The following CCDC178 variants were observed in gnomAD, a reference collection of about 807,000 sequenced individuals.
CCDC178 encodes the protein coiled-coil domain-containing protein 178.
CCDC178 carries 126 observed loss-of-function variants against 117.4 expected under a neutral mutation model. The ratio of observed to expected loss-of-function variants is 1.07; its 90% CI spans 0.93 to 1.24. The LOEUF (loss-of-function observed/expected upper bound fraction) is 1.24. Ranked by LOEUF, CCDC178 falls within the 50% of genes most tolerant of loss-of-function variation. The pLI is 0.00. For synonymous variants in CCDC178, 283 were observed against 313.4 expected (o/e 0.90, Z 1.02); for missense variants, 1,030 against 986.9 (o/e 1.04, Z -0.59).
intron 22 of CCDC178, chr18:32,957,960 A>T (rs1036720609): frequency 2.8e-5 from 7 of 253,692 alleles, no homozygotes; most frequent in Non-Finnish European, 5.2e-5. Context: ...TGATAAATGA[A>T]GTACCTCTTT....
At chr18:33,291,415 T>A (rs2060164676) in intron 12 of CCDC178, among the ~76,000 whole-genome samples, 1 of 152,082 alleles carries the variant, frequency 6.6e-6, no homozygotes, top group African/African-American at 2.4e-5. Context: ...GAGCAGGTTT[T>A]CACAGAAAAG....
chr18:33,062,245 A>G (rs1302743985), intron 21 of CCDC178, among the ~76,000 whole-genome samples: 4 of 152,226 alleles, frequency 2.6e-5, no homozygotes, highest in African/African-American at 7.2e-5. Flanking sequence ...GAATATATGC[A>G]TTAGCTATGT....
intron 20 of CCDC178, among the ~76,000 whole-genome samples, chr18:33,208,889 T>C (rs1457561902): frequency 6.6e-6 from 1 of 152,072 alleles, no homozygotes; most frequent in East Asian, 1.9e-4. Context: ...TTGTCTCTAC[T>C]AGAACTCAAT....
At position 33,331,026 on chromosome 18, in the gene CCDC178, C is replaced by CTTTTTTT. The variant is rs67153629; in HGVS notation, c.879+2141_879+2147dup. 2.7e-4 allele frequency among the ~76,000 whole-genome samples: 12 copies of CTTTTTTT among 45,048 alleles called. 3 individuals carry two copies. Among genetic ancestry groups the CTTTTTTT allele is most frequent in the African/African-American group, 1.0e-3 (8 of 7,850 alleles). The allele number at this position is 45,048 out of a possible 152,430, so 29.6% of individuals were successfully genotyped here. A position where few individuals can be genotyped will look rare whatever the true frequency, so the allele number is the denominator to read the frequency against. ...CCTGATAAGCTTTACACAAACATTG[C>CTTTTTTT]TTTTTTTTTTTTTTTTTTTTTTTTT... is the stretch of plus-strand genomic sequence containing the variant. On this transcript the variant is annotated intron_variant, in intron 10 of 22. Transcript: ENST00000383096.
chr18:33,064,017 C>T (rs992804087), intron 21 of CCDC178, among the ~76,000 whole-genome samples: 1 of 152,120 alleles, frequency 6.6e-6, no homozygotes, highest in Admixed American at 6.5e-5. Context: ...ACTATAGACA[C>T]AGCTGTAGGA....
At chr18:33,066,232 G>C (rs2057014247) in intron 21 of CCDC178, among the ~76,000 whole-genome samples, 1 of 152,040 alleles carries the variant, frequency 6.6e-6, no homozygotes, top group Non-Finnish European at 1.5e-5. Context: ...TTCACCACTA[G>C]ACCAGTCCTA....
rs1383534496 is a variant in CCDC178, at chr18:33,020,842, T to C, written c.2389-46161A>G. On this transcript the variant is annotated intron_variant, in intron 21 of 22. Coordinates refer to ENST00000383096, the MANE Select transcript of CCDC178 (RefSeq NM_001105528.4). ...TGAATTTTAGGTTGTATTTACTGAC[T>C]ATATTTATGAAGCCCTAGTGTGCAC... Among the ~76,000 whole-genome samples the C allele has an allele frequency of 4.6e-5, 7 of 152,344 alleles. No homozygotes were observed. In the East Asian group the frequency reaches 1.2e-3, roughly 25 times the overall value.
intron 2 of CCDC178, among the ~76,000 whole-genome samples, chr18:33,439,465 TATA>T (rs2144999150): frequency 6.6e-6 from 1 of 152,336 alleles, no homozygotes; most frequent in South Asian, 2.1e-4. Flanking sequence ...AGATATAGTT[TATA>T]ATAAAACTTT....
intron 2 of CCDC178, 45 bp from the exon 3 acceptor site, chr18:33,412,155 T>C: frequency 2.6e-6 from 2 of 757,724 alleles, no homozygotes; most frequent in South Asian, 2.0e-5. Flanking sequence ...TCTAAATTAG[T>C]TTATATTTAA....
intron 21 of CCDC178, among the ~76,000 whole-genome samples, chr18:33,044,117 AAAAT>A (rs1358221562): frequency 6.6e-6 from 1 of 151,656 alleles, no homozygotes; most frequent in Non-Finnish European, 1.5e-5. Flanking sequence ...AAAACTTGGG[AAAAT>A]AAATAATTTA....
intron 9 of CCDC178, among the ~76,000 whole-genome samples, chr18:33,337,593 C>A (rs2062758199): frequency 6.6e-6 from 1 of 151,810 alleles, no homozygotes; most frequent in African/African-American, 2.4e-5. Flanking sequence ...AATAGAGAAC[C>A]CAGAAATAAG....
intron 10 of CCDC178, chr18:33,328,114 T>TGC: frequency 3.4e-6 from 1 of 295,296 alleles, no homozygotes. Flanking sequence ...TTTTTTTTTT[T>TGC]TTTTTTGAGA....
chr18:33,126,113 G>T (rs975885775), intron 20 of CCDC178, among the ~76,000 whole-genome samples: 1 of 152,116 alleles, frequency 6.6e-6, no homozygotes. Context: ...AAGTGTGAAT[G>T]CAGTGACCAA....
chr18:33,382,641 C>T (rs908208228), intron 5 of CCDC178, among the ~76,000 whole-genome samples: 6 of 152,108 alleles, frequency 3.9e-5, no homozygotes, highest in Non-Finnish European at 7.4e-5. Flanking sequence ...TGCTACCCAG[C>T]GGGGGTACTA....
intron 11 of CCDC178, among the ~76,000 whole-genome samples, chr18:33,306,535 TATATA>T (rs2062255103): frequency 1.4e-5 from 2 of 147,158 alleles, no homozygotes; most frequent in South Asian, 2.1e-4. Flanking sequence ...TATATGGTTA[TATATA>T]ATATATGGTT....
Position 32,937,951 on chromosome 18 carries a change from C to T in CCDC178, c.*60G>A. 1 of 1,311,978 alleles carries T rather than the reference C, an allele frequency of 7.6e-7. No homozygotes were observed. Among genetic ancestry groups the T allele is most frequent in the Non-Finnish European group, 1.1e-6 (1 of 906,764 alleles). 81.3% of individuals were successfully genotyped at this position (1,311,978 alleles called of 1,614,324 possible). On this transcript the variant is annotated 3_prime_UTR_variant, in exon 23 of 23. Transcript: ENST00000383096. ...GGTGAATGTCCAATTACACTGTTAT[C>T]TGAACTGTGTGACTTTTCTTGTCTT...
intron 12 of CCDC178, among the ~76,000 whole-genome samples, chr18:33,270,599 T>A (rs1356594653): frequency 6.6e-6 from 1 of 151,418 alleles, no homozygotes; most frequent in African/African-American, 2.4e-5. Context: ...ATATACAAAA[T>A]ACAGAAAGAA....
chr18:33,087,521 G>GTA (rs1231484720), intron 21 of CCDC178, among the ~76,000 whole-genome samples: 4 of 146,284 alleles, frequency 2.7e-5, no homozygotes, highest in African/African-American at 1.1e-4. Context: ...GTGTGTGTGT[G>GTA]TGTATGTGTG....
intron 14 of CCDC178, among the ~76,000 whole-genome samples, chr18:33,264,855 T>C (rs376803951): frequency 3.7e-4 from 57 of 152,192 alleles, no homozygotes; most frequent in African/African-American, 1.3e-3. Flanking sequence ...GCTAAATTAC[T>C]ATGTGAGTGA....
Sources: allele counts gnomAD v4.1 joint callset (sites outside exome capture counted in the v4.1 genomes callset), GRCh38; gene constraint gnomAD v4.1.1; transcripts MANE v1.5; gene names NCBI Gene and HGNC (gene_info 2026-07-23, HGNC 2026-07-21).